C8orf34: variants seen among roughly 807,000 people sequenced by gnomAD.
C8orf34 encodes chromosome 8 open reading frame 34.
Under a neutral mutation model 68.3 loss-of-function variants are expected in C8orf34, and 65 were observed. That is an observed-to-expected ratio of 0.95 (90% CI 0.78 to 1.17). C8orf34 has a LOEUF of 1.17. C8orf34 is among the 50% of genes most tolerant of loss of function. C8orf34 has a pLI of 0.00. For synonymous variants in C8orf34, 244 were observed against 241.2 expected, an observed-to-expected ratio of 1.01 and a Z score of -0.11; for missense variants, 664 against 655.4, an observed-to-expected ratio of 1.01 and a Z score of -0.14.
intron 10 of C8orf34, among the ~76,000 whole-genome samples, chr8:68,761,862 G>A (rs1239230270): frequency 6.6e-6 from 1 of 152,090 alleles, no homozygotes; most frequent in African/African-American, 2.4e-5. Context: ...GTGTGGCTGT[G>A]TTTTTATAAT....
At chr8:68,374,435 A>G (rs1807703470) in intron 1 of C8orf34, among the ~76,000 whole-genome samples, 1 of 152,134 alleles carries the variant, frequency 6.6e-6, no homozygotes, top group South Asian at 2.1e-4. Flanking sequence ...TAATTTTATT[A>G]TTTGCATTTG....
intron 1 of C8orf34, among the ~76,000 whole-genome samples, chr8:68,419,173 G>A (rs1809824604): frequency 6.6e-6 from 1 of 151,932 alleles, no homozygotes; most frequent in Admixed American, 6.6e-5. Flanking sequence ...CGAAGGACAT[G>A]AACAGACACT....
intron 8 of C8orf34, among the ~76,000 whole-genome samples, chr8:68,671,811 C>CTATT (rs1820020243): frequency 6.6e-6 from 1 of 152,026 alleles, no homozygotes; most frequent in African/African-American, 2.4e-5. Context: ...CAATATGGGG[C>CTATT]TTCTAAAGAA....
chr8:68,718,948 A>C (rs1458841421), intron 9 of C8orf34, among the ~76,000 whole-genome samples: 1 of 152,070 alleles, frequency 6.6e-6, no homozygotes, highest in Non-Finnish European at 1.5e-5. Flanking sequence ...AAATTTAGGG[A>C]CTCATTTCCC....
chr8:68,603,043 G>A (rs1817744989), intron 7 of C8orf34, among the ~76,000 whole-genome samples: 1 of 152,040 alleles, frequency 6.6e-6, no homozygotes, highest in African/African-American at 2.4e-5. Flanking sequence ...GGAAATCACA[G>A]CCTTGCCACC....
intron 8 of C8orf34, among the ~76,000 whole-genome samples, chr8:68,683,784 C>G (rs1021077201): frequency 6.6e-6 from 1 of 151,958 alleles, no homozygotes; most frequent in Non-Finnish European, 1.5e-5. Context: ...GAATACCTGG[C>G]CTTTAGAGAT....
intron 5 of C8orf34, among the ~76,000 whole-genome samples, chr8:68,491,954 A>G (rs1436452793): frequency 6.6e-6 from 1 of 152,140 alleles, no homozygotes; most frequent in Non-Finnish European, 1.5e-5. Context: ...GTTTCCCTCC[A>G]GTAGGGTGGT....
intron 7 of C8orf34, among the ~76,000 whole-genome samples, chr8:68,638,174 C>T (rs1818901706): frequency 6.6e-6 from 1 of 152,154 alleles, no homozygotes; most frequent in Admixed American, 6.5e-5. Context: ...CAGCTGTCTA[C>T]TCTGAAGATT....
At chr8:68,671,052 A>G (rs768262871) in intron 8 of C8orf34, among the ~76,000 whole-genome samples, 2 of 152,190 alleles carry the variant, frequency 1.3e-5, no homozygotes, top group Non-Finnish European at 2.9e-5. Flanking sequence ...TTGAATAGTT[A>G]ACTAGATAAT....
chr8:68,782,681 G>T (rs1823714247), intron 11 of C8orf34, among the ~76,000 whole-genome samples: 1 of 152,116 alleles, frequency 6.6e-6, no homozygotes, highest in Non-Finnish European at 1.5e-5. Flanking sequence ...CCTATGATAG[G>T]AGTTTAAGTT....
intron 6 of C8orf34, 35 bp downstream of exon 6, chr8:68,522,006 T>C (rs770501729): frequency 2.6e-6 from 4 of 1,567,938 alleles, no homozygotes; most frequent in Non-Finnish European, 3.5e-6. Context: ...TCTATATTAC[T>C]AGTCATTAAA....
At chr8:68,742,436 A>G (rs962373973) in intron 10 of C8orf34, among the ~76,000 whole-genome samples, 7 of 152,348 alleles carry the variant, frequency 4.6e-5, no homozygotes, top group African/African-American at 1.7e-4. Flanking sequence ...TTTAACATCC[A>G]TAAGCCTGTA....
At chr8:68,747,187 C>T (rs1822529782) in intron 10 of C8orf34, among the ~76,000 whole-genome samples, 3 of 152,036 alleles carry the variant, frequency 2.0e-5, no homozygotes, top group Admixed American at 6.6e-5. Flanking sequence ...TTCAACAACA[C>T]TTCATGCTAA....
intron 5 of C8orf34, among the ~76,000 whole-genome samples, chr8:68,504,177 A>T (rs1813902602): frequency 6.6e-6 from 1 of 152,170 alleles, no homozygotes; most frequent in South Asian, 2.1e-4. Flanking sequence ...TATAAATGTA[A>T]TCATATAGTA....
chr8:68,639,564 A>G, intron 7 of C8orf34, among the ~76,000 whole-genome samples: 1 of 152,150 alleles, frequency 6.6e-6, no homozygotes. Flanking sequence ...AATGAATTAG[A>G]TTTTTGTAAA....
At chr8:68,740,997 T>G (rs1822274020) in intron 10 of C8orf34, among the ~76,000 whole-genome samples, 1 of 152,074 alleles carries the variant, frequency 6.6e-6, no homozygotes, top group South Asian at 2.1e-4. Flanking sequence ...CCAAATATTG[T>G]GTGTTCTCAC....
At chr8:68,814,052 A>G (rs1824735048) in intron 12 of C8orf34, among the ~76,000 whole-genome samples, 1 of 152,186 alleles carries the variant, frequency 6.6e-6, no homozygotes, top group Admixed American at 6.5e-5. Flanking sequence ...CCTGCACTTC[A>G]GTCTTGTTTT....
chr8:68,594,500 A>G (rs1309761600), intron 7 of C8orf34, among the ~76,000 whole-genome samples: 19 of 152,098 alleles, frequency 1.2e-4, no homozygotes, highest in Admixed American at 1.2e-3. Context: ...TTACATGCAT[A>G]TATTATGTGA....
intron 1 of C8orf34, among the ~76,000 whole-genome samples, chr8:68,382,783 T>G (rs1323625715): frequency 6.6e-6 from 1 of 152,224 alleles, no homozygotes; most frequent in African/African-American, 2.4e-5. Context: ...TTTTATACTT[T>G]CCTTTAGAAA....
Sources: allele counts gnomAD v4.1 joint callset (sites outside exome capture counted in the v4.1 genomes callset), GRCh38; gene constraint gnomAD v4.1.1; transcripts MANE v1.5; gene names NCBI Gene and HGNC (gene_info 2026-07-23, HGNC 2026-07-21).